The following MORC1 variants were observed in gnomAD, a reference collection of about 807,000 sequenced individuals.
MORC1 encodes MORC family CW-type zinc finger 1, also known as MORC family CW-type zinc finger protein 1.
A neutral mutation model predicts 134.9 loss-of-function variants in MORC1; 59 were observed. That is an observed-to-expected ratio of 0.44 (90% CI 0.35 to 0.54). MORC1 has a LOEUF of 0.54. Among genes scored for constraint, MORC1 ranks in the 20% least tolerant of loss-of-function variants. The probability of loss-of-function intolerance (pLI) is 0.00; values close to 1 mark genes in which losing one functional copy is unlikely to be tolerated. For missense variants in MORC1, 947 were observed against 1,134.5 expected (o/e 0.83, Z 2.37); for synonymous variants, 395 against 391.7 (o/e 1.01, Z -0.10).
chr3:109,005,329 G>C lies in MORC1; in HGVS notation c.1768-14C>G. Reference sequence around the variant, plus strand: ...TTTGGTATTTTCCTTAAATAACAAAGAACATGTTTTTATTTTTTGGTAGAT... The same window carrying C: ...TTTGGTATTTTCCTTAAATAACAAACAACATGTTTTTATTTTTTGGTAGAT... On this transcript the variant is annotated splice_polypyrimidine_tract_variant and intron_variant, in intron 18 of 27. Coordinates refer to ENST00000232603, the MANE Select transcript of MORC1 (RefSeq NM_014429.4). 1 of 1,569,336 alleles carries C rather than the reference G, an allele frequency of 6.4e-7. No homozygotes were observed. The highest frequency in any genetic ancestry group is 1.4e-5 in the African/African-American group (1 of 72,374).
At chr3:108,979,885 T>C (rs2107443648) in intron 23 of MORC1, among the ~76,000 whole-genome samples, 1 of 152,260 alleles carries the variant, frequency 6.6e-6, no homozygotes, top group East Asian at 1.9e-4. Flanking sequence ...AGTTTTTAGG[T>C]AGTGACAATT....
At chr3:109,019,633 C>G (rs1948908598) in intron 17 of MORC1, among the ~76,000 whole-genome samples, 1 of 152,196 alleles carries the variant, frequency 6.6e-6, no homozygotes, top group Non-Finnish European at 1.5e-5. Context: ...TTTCCTAACT[C>G]CATCTTTGGC....
intron 17 of MORC1, among the ~76,000 whole-genome samples, chr3:109,007,494 T>C (rs1415296009): frequency 1.3e-5 from 2 of 152,170 alleles, no homozygotes; most frequent in African/African-American, 2.4e-5. Flanking sequence ...AGGTGTCAGC[T>C]TCAATGGACT....
At chr3:109,072,348 A>T (rs925161876) in intron 8 of MORC1, among the ~76,000 whole-genome samples, 1 of 152,076 alleles carries the variant, frequency 6.6e-6, no homozygotes, top group Non-Finnish European at 1.5e-5. Flanking sequence ...GCGGTATACA[A>T]CTTGAAACTG....
chr3:108,967,283 A>T (rs2593937), intron 26 of MORC1, among the ~76,000 whole-genome samples: 18,516 of 152,228 alleles, frequency 0.12, 1,207 homozygotes, highest in Non-Finnish European at 0.15. Context: ...TTAGAAACAG[A>T]TATAAAACGG....
chr3:109,084,730 A>G (rs1950585207), intron 8 of MORC1, among the ~76,000 whole-genome samples: 1 of 152,122 alleles, frequency 6.6e-6, no homozygotes, highest in African/African-American at 2.4e-5. Flanking sequence ...ACATCACACT[A>G]CATGACTCCA....
chr3:109,019,273 A>G (rs1245833664), intron 17 of MORC1, among the ~76,000 whole-genome samples: 1 of 152,146 alleles, frequency 6.6e-6, no homozygotes, highest in Non-Finnish European at 1.5e-5. Flanking sequence ...TGCTGCTTGC[A>G]TCTCCTTCTT....
rs371630734 is a variant in MORC1, at chr3:109,062,578, A to G, written c.896-520T>C. ...TGGGACTACAGGCGCCCACCACCAC[A>G]CCCGGCTAACTTTTTGTATTTTTAG... On this transcript the variant is annotated intron_variant, in intron 10 of 27. Transcript: ENST00000232603. 5.1e-3 allele frequency among the ~76,000 whole-genome samples: 777 copies of G among 151,368 alleles called. 19 individuals are homozygous for G. The highest frequency in any genetic ancestry group is 0.018 in the African/African-American group (745 of 41,268).
chr3:108,963,336 A>G (rs1169874452), intron 27 of MORC1, 78 bp downstream of exon 27: 1 of 1,207,034 alleles, frequency 8.3e-7, no homozygotes, highest in Non-Finnish European at 1.2e-6. Context: ...TAAGTGAATG[A>G]CAATGTTAGG....
intron 17 of MORC1, among the ~76,000 whole-genome samples, chr3:109,012,430 A>G (rs990493395): frequency 6.6e-6 from 1 of 152,136 alleles, no homozygotes; most frequent in Non-Finnish European, 1.5e-5. Flanking sequence ...AATTCTTTGC[A>G]TGCCATATAA....
Position 108,997,009 on chromosome 3 carries a change from C to CAAAA in MORC1, c.2187+3544_2187+3547dup, listed in dbSNP as rs36087713. Among the ~76,000 whole-genome samples, 48 of 31,552 alleles carry CAAAA rather than the reference C, an allele frequency of 1.5e-3. 5 individuals are homozygous for CAAAA. The highest frequency in any genetic ancestry group is 2.2e-3 in the Non-Finnish European group (40 of 17,840). The allele number at this position is 31,552 out of a possible 152,430, so 20.7% of individuals were successfully genotyped here. ...TGGGTGACAGAGCGAGACTCTGTCT[C>CAAAA]AAAAAAAAAAAAAAAAAAAAAAAAA... On this transcript the variant is annotated intron_variant, in intron 21 of 27. Coordinates refer to ENST00000232603, the MANE Select transcript of MORC1 (RefSeq NM_014429.4).
chr3:109,013,579 G>C (rs1217598368), intron 17 of MORC1, among the ~76,000 whole-genome samples: 1 of 152,162 alleles, frequency 6.6e-6, no homozygotes, highest in African/African-American at 2.4e-5. Flanking sequence ...TCCTTCTTCA[G>C]TAAGTGTATT....
At chr3:108,969,585 C>T (rs1947317490) in intron 26 of MORC1, 84 bp downstream of exon 26, 7 of 1,370,992 alleles carry the variant, frequency 5.1e-6, no homozygotes, top group Non-Finnish European at 7.3e-6. Context: ...CCTTTCAAAC[C>T]TAACATTTGG....
At chr3:109,109,319 A>T (rs749108244) in intron 3 of MORC1, among the ~76,000 whole-genome samples, 6 of 152,172 alleles carry the variant, frequency 3.9e-5, no homozygotes, top group African/African-American at 4.8e-5. Context: ...CCAGGGGAAC[A>T]AAGACCTCAA....
chr3:108,984,544 T>TTG (rs1553743440), intron 23 of MORC1, among the ~76,000 whole-genome samples, 172 bp downstream of exon 23: 1 of 151,900 alleles, frequency 6.6e-6, no homozygotes, highest in Non-Finnish European at 1.5e-5. Flanking sequence ...TGAAAAGGTT[T>TTG]GGGGGTAAGG....
intron 14 of MORC1, chr3:109,049,029 C>A: frequency 1.8e-6 from 1 of 548,624 alleles, no homozygotes; most frequent in Non-Finnish European, 2.3e-6. Context: ...AAATCTTTAA[C>A]TTCAAAAACT....
chr3:109,101,266 A>G (rs914041536), intron 4 of MORC1, among the ~76,000 whole-genome samples: 1 of 152,228 alleles, frequency 6.6e-6, no homozygotes, highest in African/African-American at 2.4e-5. Flanking sequence ...CCACGAATTT[A>G]GCCCTTAACC....
At chr3:109,083,447 A>C (rs1374807960) in intron 8 of MORC1, among the ~76,000 whole-genome samples, 1 of 152,196 alleles carries the variant, frequency 6.6e-6, no homozygotes, top group Non-Finnish European at 1.5e-5. Flanking sequence ...TCTATCAAAA[A>C]CAATAATATC....
intron 1 of MORC1, 125 bp from the exon 2 acceptor site, chr3:109,114,562 A>G: frequency 1.3e-6 from 1 of 757,650 alleles, no homozygotes; most frequent in Non-Finnish European, 2.1e-6. Context: ...AAGTTACTCT[A>G]GAAACAACTC....
Sources: gnomAD v4.1 joint callset for allele counts (sites outside exome capture counted in the v4.1 genomes callset) on GRCh38, gnomAD v4.1.1 for gene constraint, MANE v1.5 for transcripts, NCBI Gene and HGNC (gene_info 2026-07-23, HGNC 2026-07-21) for gene names.